Variants in OTOL1 observed in about 807,000 individuals in gnomAD.
OTOL1 encodes the protein otolin 1, also known as otolin-1.
Under a neutral mutation model 25.0 loss-of-function variants are expected in OTOL1, and 31 were observed. That is an observed-to-expected ratio of 1.24 (90% confidence interval 0.93 to 1.67). OTOL1 has a LOEUF of 1.67. Ranked by LOEUF, OTOL1 falls within the 40% of genes most tolerant of loss-of-function variation. The probability of loss-of-function intolerance (pLI) is 0.00; values close to 1 mark genes in which losing one functional copy is unlikely to be tolerated. For synonymous variants in OTOL1, 225 were observed against 210.3 expected (o/e 1.07, Z -0.61); for missense variants, 654 against 587.7 (o/e 1.11, Z -1.17).
intron 1 of OTOL1, among the ~76,000 whole-genome samples, chr3:161,497,733 T>C (rs979972336): frequency 7.9e-5 from 12 of 151,712 alleles, no homozygotes; most frequent in Admixed American, 2.6e-4. Context: ...TTGCTTCTCA[T>C]TGAATTTCTG....
intron 2 of OTOL1, among the ~76,000 whole-genome samples, chr3:161,500,224 C>CA (rs934236910): frequency 3.3e-5 from 5 of 151,990 alleles, no homozygotes; most frequent in African/African-American, 4.8e-5. Context: ...AGTAATTACT[C>CA]AAAAAAATGC....
Position 161,503,434 on chromosome 3 carries a change from C to T in OTOL1, c.926C>T (p.Pro309Leu), listed in dbSNP as rs770828019. ...CCTGGTCTCCTGGGACCTACTGGGC[C>T]GAAGGGTGACATTGGCAACAAAGGG... is the stretch of plus-strand genomic sequence containing the variant. ...GPPGLLGPTG[P>L]KGDIGNKGVR... The change falls in exon 4 of 4, where the codon CCG becomes CTG. Residue 309 changes from proline to leucine, a missense_variant. Transcript: ENST00000327928. The T allele has an allele frequency of 1.5e-5, 24 of 1,613,114 alleles. No individual in the cohort carries two copies. The highest frequency in any genetic ancestry group is 3.3e-4 in the Middle Eastern group (2 of 6,078).
At chr3:161,501,543 C>A (rs1303933660) in intron 2 of OTOL1, among the ~76,000 whole-genome samples, 1 of 133,632 alleles carries the variant, frequency 7.5e-6, no homozygotes, top group Non-Finnish European at 1.7e-5. Context: ...ATATAAAGAA[C>A]AGTTTTTTTT....
chr3:161,502,384 G>T lies in OTOL1; in HGVS notation c.517+15G>T, dbSNP rs779559483. On this transcript the variant is annotated intron_variant, in intron 3 of 3. Transcript: ENST00000327928. ...GGGAGCACAAGGTAGAGCATGAAAT[G>T]TATCTACTGTGTACAGTCAGGTGCG... 6.2e-7 allele frequency: 1 copy of T among 1,607,532 alleles called. No individual in the cohort carries two copies. Among genetic ancestry groups the T allele is most frequent in the East Asian group, 2.2e-5 (1 of 44,742 alleles).
rs1221935378 is a variant in OTOL1, at chr3:161,499,194, T to G, written c.388T>G (p.Leu130Val). The G allele has an allele frequency of 6.2e-7, 1 of 1,611,058 alleles. No individual in the cohort carries two copies. Among genetic ancestry groups the G allele is most frequent in the South Asian group, 1.1e-5 (1 of 90,236 alleles). Residue 130 changes from leucine to valine, a missense_variant, in exon 2 of 4, where the codon TTG (leucine) becomes GTG (valine). Coordinates refer to ENST00000327928, the MANE Select transcript of OTOL1 (RefSeq NM_001080440.1). The part of the protein sequence containing the change: ...QPGPKGEAGN[L>V]GIPGPPGVVG... ...AGGTCCTAAAGGAGAGGCTGGAAATTTGGGGATCCCAGGGCCACCAGGAGT... is the reference window on the plus strand; with the variant it reads ...AGGTCCTAAAGGAGAGGCTGGAAATGTGGGGATCCCAGGGCCACCAGGAGT...
At chr3:161,497,322 G>T (rs1298300746) in intron 1 of OTOL1, among the ~76,000 whole-genome samples, 151 bp downstream of exon 1, 1 of 152,138 alleles carries the variant, frequency 6.6e-6, no homozygotes, top group African/African-American at 2.4e-5. Flanking sequence ...GTAAATGGGT[G>T]CTGTGTTGCC....
rs1485663319 is a variant in OTOL1, at chr3:161,502,309, C to T, written c.457C>T (p.Leu153Phe). 3.1e-6 allele frequency: 5 copies of T among 1,612,792 alleles called. No homozygotes were observed. Among genetic ancestry groups the T allele is most frequent in the Non-Finnish European group, 4.2e-6 (5 of 1,179,268 alleles). The change falls in exon 3 of 4, where the codon CTC becomes TTC. Residue 153 changes from leucine (L) to phenylalanine (F), a missense_variant and splice_region_variant. By Grantham distance (22) the Leu-to-Phe change is conservative (BLOSUM62 0). Coordinates refer to ENST00000327928, the MANE Select transcript of OTOL1 (RefSeq NM_001080440.1). ...GPRGYKGEKGLKGERGDQGVP... is the reference protein window; with the variant it reads ...GPRGYKGEKGFKGERGDQGVP... Reference sequence around the variant, plus strand: ...AGTTAATCTTGGTATCATCTTAGGACTCAAAGGAGAACGTGGGGACCAAGG... The same window carrying T: ...AGTTAATCTTGGTATCATCTTAGGATTCAAAGGAGAACGTGGGGACCAAGG...
Position 161,503,889 on chromosome 3 carries a change from AT to A in OTOL1, c.1386del (p.Phe462LeufsTer?). 1 of 1,613,630 alleles carries A rather than the reference AT, an allele frequency of 6.2e-7. No homozygotes were observed. The highest frequency in any genetic ancestry group is 1.1e-5 in the South Asian group (1 of 91,062). On this transcript the variant is annotated frameshift_variant, in exon 4 of 4. Coordinates refer to ENST00000327928, the MANE Select transcript of OTOL1 (RefSeq NM_001080440.1). LOFTEE classifies it high-confidence loss of function. ...GTATGTCAGTGCTGAGGATGACAGC[AT>A]TTTTACTGGGTTCCTTTTGTACCCA... ...GVYVSAEDDS[I>X]FTGFLLYPEE...
chr3:161,502,649 A>C (rs1323406443), intron 3 of OTOL1, among the ~76,000 whole-genome samples: 1 of 152,200 alleles, frequency 6.6e-6, no homozygotes, highest in Non-Finnish European at 1.5e-5. Flanking sequence ...ATAATAATTT[A>C]GGCTTGAATG....
chr3:161,503,217 G>A lies in OTOL1; in HGVS notation c.709G>A (p.Glu237Lys). The change falls in exon 4 of 4, where the codon GAG becomes AAG. Residue 237 changes from glutamate (E) to lysine (K), a missense_variant. Coordinates refer to ENST00000327928, the MANE Select transcript of OTOL1 (RefSeq NM_001080440.1). ...GAAGGGGGAGATGGGGGAGAAGGGG[G>A]AGATGGGGGATAAGGGCTGCTGTGG... is the stretch of plus-strand genomic sequence containing the variant. The part of the protein sequence containing the change: ...GEKGEMGEKG[E>K]MGDKGCCGDS... 3 of 997,548 alleles carry A rather than the reference G, an allele frequency of 3.0e-6. No individual in the cohort carries two copies. Among genetic ancestry groups the A allele is most frequent in the Non-Finnish European group, 2.7e-6 (2 of 748,738 alleles). The allele number at this position is 997,548 out of a possible 1,614,324, so 61.8% of individuals were successfully genotyped here.
chr3:161,501,051 C>T (rs1261053771), intron 2 of OTOL1, among the ~76,000 whole-genome samples: 1 of 152,160 alleles, frequency 6.6e-6, no homozygotes, highest in African/African-American at 2.4e-5. Context: ...GTATTTGACT[C>T]TGTCCAGTGC....
rs1718847480 is a variant in OTOL1, at chr3:161,496,975, A to T, written c.168A>T (p.Glu56Asp). 4 of 1,613,630 alleles carry T rather than the reference A, an allele frequency of 2.5e-6. No individual in the cohort carries two copies. Among genetic ancestry groups the T allele is most frequent in the Non-Finnish European group, 3.4e-6 (4 of 1,179,686 alleles). The stretch of plus-strand genomic sequence containing the variant: ...GTGGCCCACCTCCAGAAGAAGAAGA[A>T]ACCCTCTTCACAGAAATGGCTGAAA... ...PSSGPPPEEE[E>D]TLFTEMAEMA... Residue 56 changes from glutamate (E) to aspartate (D), a missense_variant, in exon 1 of 4, where the codon GAA becomes GAT. Glu to Asp is a conservative substitution (Grantham distance 45). Coordinates refer to ENST00000327928, the MANE Select transcript of OTOL1 (RefSeq NM_001080440.1).
chr3:161,501,633 G>A (rs1299757564), intron 2 of OTOL1, among the ~76,000 whole-genome samples: 1 of 151,780 alleles, frequency 6.6e-6, no homozygotes, highest in Non-Finnish European at 1.5e-5. Flanking sequence ...AGGGAACATG[G>A]CATTATTTCT....
chr3:161,500,057 C>T (rs965897343), intron 2 of OTOL1, among the ~76,000 whole-genome samples: 5 of 152,076 alleles, frequency 3.3e-5, no homozygotes, highest in African/African-American at 1.2e-4. Flanking sequence ...TTAGAAATTC[C>T]TCAGTGAATA....
chr3:161,502,349 C>T lies in OTOL1; in HGVS notation c.497C>T (p.Pro166Leu), dbSNP rs1438468001. 1 of 1,613,404 alleles carries T rather than the reference C, an allele frequency of 6.2e-7. No individual in the cohort carries two copies. The highest frequency in any genetic ancestry group is 1.1e-5 in the South Asian group (1 of 90,940). ...GGGGACCAAGGAGTTCCAGGATACC[C>T]AGGAAAACCGGGAGCACAAGGTAGA... Reference protein sequence around the residue: ...ERGDQGVPGYPGKPGAQGEPG... With the variant: ...ERGDQGVPGYLGKPGAQGEPG... Residue 166 changes from proline (P) to leucine (L), a missense_variant, in exon 3 of 4, where the codon CCA becomes CTA. By Grantham distance (98) the Pro-to-Leu change is moderately conservative. Transcript: ENST00000327928.
intron 1 of OTOL1, among the ~76,000 whole-genome samples, chr3:161,497,614 T>C (rs996192069): frequency 6.6e-6 from 1 of 152,144 alleles, no homozygotes; most frequent in African/African-American, 2.4e-5. Flanking sequence ...ATGAAACTTC[T>C]GTTGCCTTGC....
chr3:161,503,603 T>C lies in OTOL1; in HGVS notation c.1095T>C (p.Ile365=). 1 of 1,613,772 alleles carries C rather than the reference T, an allele frequency of 6.2e-7. No homozygotes were observed. Among genetic ancestry groups the C allele is most frequent in the South Asian group, 1.1e-5 (1 of 91,054 alleles). Residue 365 remains isoleucine (I), a synonymous_variant, in exon 4 of 4, where the codon ATT becomes ATC. Coordinates refer to ENST00000327928, the MANE Select transcript of OTOL1 (RefSeq NM_001080440.1). ...PPNIPIKFEK[I]LYNDQGNYSP... Reference sequence around the variant, plus strand: ...ACATCCCCATCAAATTTGAAAAGATTCTCTATAATGACCAAGGGAATTACA... The same window carrying C: ...ACATCCCCATCAAATTTGAAAAGATCCTCTATAATGACCAAGGGAATTACA...
chr3:161,502,613 C>T (rs920970073), intron 3 of OTOL1, among the ~76,000 whole-genome samples: 4 of 152,174 alleles, frequency 2.6e-5, no homozygotes, highest in African/African-American at 9.6e-5. Context: ...ATCCCTCACT[C>T]GTTCTGGGTC....
Position 161,503,305 on chromosome 3 carries a change from G to T in OTOL1, c.797G>T (p.Gly266Val). ...KGEGGMKGEK[G>V]SKGDSGMEGK... is the part of the protein sequence containing the mutation. ...GAGGGGGGTATGAAAGGGGAAAAAG[G>T]TAGCAAAGGAGACAGTGGAATGGAA... The change falls in exon 4 of 4, where the codon GGT becomes GTT. Residue 266 changes from glycine (G) to valine (V), a missense_variant. By Grantham distance (109) the Gly-to-Val change is moderately radical. Transcript: ENST00000327928. 13 of 1,526,316 alleles carry T rather than the reference G, an allele frequency of 8.5e-6. No individual in the cohort carries two copies. The highest frequency in any genetic ancestry group is 1.1e-5 in the Non-Finnish European group (13 of 1,139,374). The allele number at this position is 1,526,316 out of a possible 1,614,324, so 94.5% of individuals were successfully genotyped here.
Sources: gnomAD v4.1 joint callset for allele counts (sites outside exome capture counted in the v4.1 genomes callset) on GRCh38, gnomAD v4.1.1 for gene constraint, MANE v1.5 for transcripts, NCBI Gene and HGNC (gene_info 2026-07-23, HGNC 2026-07-21) for gene names.